RGS6: variants seen among roughly 807,000 people sequenced by gnomAD.
RGS6 encodes the protein regulator of G-protein signaling 6.
RGS6 carries 30 observed loss-of-function variants against 78.5 expected under a neutral mutation model. The ratio of observed to expected loss-of-function variants is 0.38; its 90% CI spans 0.29 to 0.52. The LOEUF is 0.52. Ranked by LOEUF, RGS6 falls within the 20% of genes least tolerant of loss-of-function variation. RGS6 has a pLI of 0.85. For missense variants in RGS6, 495 were observed against 609.7 expected (o/e 0.81, Z 1.98); for synonymous variants, 206 against 206.0 (o/e 1.00, Z 0.00).
At chr14:72,110,780 T>C (rs1358167589) in intron 2 of RGS6, among the ~76,000 whole-genome samples, 1 of 152,198 alleles carries the variant, frequency 6.6e-6, no homozygotes, top group African/African-American at 2.4e-5. Flanking sequence ...TCTATATTCA[T>C]TGACCCAGAC....
the RGS6 span, chr14:71,908,301 G>A: frequency 8.5e-5 from 13 of 152,322 alleles, no homozygotes; most frequent in Admixed American, 5.9e-4. Context: ...GTGATGAAGC[G>A]GAACAGCAAG....
chr14:72,304,932 G>A (rs930875329), intron 2 of RGS6, among the ~76,000 whole-genome samples: 1 of 152,068 alleles, frequency 6.6e-6, no homozygotes, highest in Admixed American at 6.5e-5. Context: ...TTCATAGAAT[G>A]TGTACCAATT....
chr14:72,591,738 A>G, the RGS6 span, among the ~76,000 whole-genome samples: 2 of 152,212 alleles, frequency 1.3e-5, no homozygotes, highest in South Asian at 4.1e-4. Context: ...TGTGTGGCAG[A>G]CCAGTTCGCA....
At chr14:72,213,908 CTG>C (rs1316619953) in intron 2 of RGS6, among the ~76,000 whole-genome samples, 1 of 152,150 alleles carries the variant, frequency 6.6e-6, no homozygotes, top group Non-Finnish European at 1.5e-5. Context: ...GTATTTAATA[CTG>C]TGTACATTGA....
intron 2 of RGS6, among the ~76,000 whole-genome samples, chr14:72,141,901 A>C (rs959089556): frequency 2.4e-4 from 37 of 151,874 alleles, no homozygotes; most frequent in East Asian, 7.7e-4. Context: ...TTAAAAAAAA[A>C]AAAACAAAAC....
At chr14:71,907,752 C>T in the RGS6 span, among the ~76,000 whole-genome samples, 1 of 151,946 alleles carries the variant, frequency 6.6e-6, no homozygotes, top group African/African-American at 2.4e-5. Context: ...GAAATGATGG[C>T]AGCTTGGGAC....
chr14:72,287,315 G>T (rs927169370), intron 2 of RGS6, among the ~76,000 whole-genome samples: 12 of 152,084 alleles, frequency 7.9e-5, no homozygotes, highest in African/African-American at 2.9e-4. Flanking sequence ...TTGCCTAATT[G>T]CTCGGATTAG....
intron 3 of RGS6, among the ~76,000 whole-genome samples, chr14:72,445,259 G>A (rs999602695): frequency 2.0e-5 from 3 of 152,258 alleles, no homozygotes; most frequent in East Asian, 1.9e-4. Context: ...TGGTGCAGTC[G>A]GCTTACTACA....
In RGS6 at chr14:72,052,987, C is replaced by CTTTCTTTCTTTCTT. The variant is rs1567106192; in HGVS notation, c.84+88113_84+88114insTTCTTTCTTTCTTT. Among the ~76,000 whole-genome samples the CTTTCTTTCTTTCTT allele has an allele frequency of 8.9e-3, 483 of 54,048 alleles. 6 individuals carry two copies. The highest frequency in any genetic ancestry group is 0.011 in the Non-Finnish European group (335 of 29,548). 35.5% of individuals were successfully genotyped at this position (54,048 alleles called of 152,430 possible). ...TTTCTTTCTTTCTTTCTTTCTTTCT[C>CTTTCTTTCTTTCTT]TCTCTCTCTCTCTCTCTCTTTCTTT... On this transcript the variant is annotated intron_variant, in intron 2 of 17. Coordinates refer to ENST00000553525, the MANE Select transcript of RGS6 (RefSeq NM_001204424.2).
At chr14:72,387,250 TA>T (rs553620679) in intron 3 of RGS6, among the ~76,000 whole-genome samples, 13 of 151,668 alleles carry the variant, frequency 8.6e-5, no homozygotes, top group Non-Finnish European at 1.3e-4. Flanking sequence ...GGTTTCCTTA[TA>T]AAAAAAAGGG....
chr14:72,537,574 G>A (rs1438820996), intron 16 of RGS6: 6 of 702,354 alleles, frequency 8.5e-6, no homozygotes, highest in Non-Finnish European at 1.3e-5. Context: ...TCCCCTGCTG[G>A]AGGATGCCAA....
upstream of RGS6, among the ~76,000 whole-genome samples, chr14:71,930,146 C>T (rs2087780872): frequency 6.8e-6 from 1 of 147,770 alleles, no homozygotes; most frequent in Non-Finnish European, 1.5e-5. Flanking sequence ...TATACACACA[C>T]ATATACACTT....
intron 2 of RGS6, among the ~76,000 whole-genome samples, chr14:72,207,113 A>T (rs927859282): frequency 2.0e-5 from 3 of 152,208 alleles, no homozygotes; most frequent in Non-Finnish European, 4.4e-5. Flanking sequence ...TAAGCAAATT[A>T]AGAAAAAGAA....
chr14:72,321,677 T>A (rs939674962), intron 2 of RGS6, among the ~76,000 whole-genome samples: 1 of 152,016 alleles, frequency 6.6e-6, no homozygotes, highest in African/African-American at 2.4e-5. Context: ...TGTTTCTGTA[T>A]CAACGTAGCC....
In RGS6 at chr14:72,465,608, G is replaced by A. The variant is rs143952096; in HGVS notation, c.395-150G>A. The A allele has an allele frequency of 0.04, 23,999 of 595,928 alleles. 1,175 individuals are homozygous for A. The highest frequency in any genetic ancestry group is 0.13 in the Admixed American group (4,717 of 35,534). 36.9% of individuals were successfully genotyped at this position (595,928 alleles called of 1,614,324 possible). ...TGGATGGATGGATGGATGGTTGGGTGGATGGGTGGATGGGTGGATGGATGG... is the reference window on the plus strand; with the variant it reads ...TGGATGGATGGATGGATGGTTGGGTAGATGGGTGGATGGGTGGATGGATGG... On this transcript the variant is annotated intron_variant, in intron 6 of 17. Transcript: ENST00000553525.
chr14:72,339,922 T>C (rs2076678666), intron 2 of RGS6, among the ~76,000 whole-genome samples: 1 of 152,180 alleles, frequency 6.6e-6, no homozygotes, highest in African/African-American at 2.4e-5. Flanking sequence ...AGGAATTTCC[T>C]GAAGTCAGCC....
chr14:72,061,746 A>T (rs564509155), intron 2 of RGS6, among the ~76,000 whole-genome samples: 1 of 152,318 alleles, frequency 6.6e-6, no homozygotes, highest in East Asian at 1.9e-4. Context: ...TGGAATGAGA[A>T]TATTTATAAC....
the RGS6 span, among the ~76,000 whole-genome samples, chr14:71,926,778 T>C: frequency 6.6e-6 from 1 of 152,162 alleles, no homozygotes; most frequent in Non-Finnish European, 1.5e-5. Context: ...TCAATTTTAG[T>C]GTCCTCAGCT....
intron 3 of RGS6, among the ~76,000 whole-genome samples, chr14:72,385,025 C>G (rs1208576106): frequency 6.6e-6 from 1 of 152,182 alleles, no homozygotes; most frequent in African/African-American, 2.4e-5. Context: ...GCTGGGATTA[C>G]AGGCGTGAGC....
Sources: gnomAD v4.1 joint callset for allele counts (sites outside exome capture counted in the v4.1 genomes callset) on GRCh38, gnomAD v4.1.1 for gene constraint, MANE v1.5 for transcripts, NCBI Gene and HGNC (gene_info 2026-07-23, HGNC 2026-07-21) for gene names.